The following CTNNA2 variants were observed in gnomAD, a reference collection of about 807,000 sequenced individuals.
The protein encoded by CTNNA2 is catenin alpha 2.
CTNNA2 carries 42 observed loss-of-function variants against 101.0 expected under a neutral mutation model. That is an observed-to-expected ratio of 0.42 (90% CI 0.32 to 0.54). The LOEUF is 0.54. CTNNA2 is among the 20% of genes least tolerant of loss of function. The pLI, the probability that CTNNA2 is intolerant of heterozygous loss-of-function variation, is 0.14. For synonymous variants in CTNNA2, 450 were observed against 456.4 expected, an observed-to-expected ratio of 0.99 and a Z score of 0.18; for missense variants, 871 against 1,223.1, an observed-to-expected ratio of 0.71 and a Z score of 4.29.
chr2:80,605,562 C>T (rs1027298605), intron 16 of CTNNA2: 9 of 151,780 alleles, frequency 5.9e-5, no homozygotes, highest in African/African-American at 1.2e-4. Context: ...GTTTTCCTCC[C>T]TCATTCCTAT....
rs190858554 is a variant in CTNNA2, at chr2:80,018,856, T to G, written c.1056+109059T>G. Among the ~76,000 whole-genome samples, 14 of 151,922 alleles carry G rather than the reference T, an allele frequency of 9.2e-5. 1 individual carries two copies. The East Asian group carries it at 1.9e-3, about 21-fold the overall frequency. ...TTACCTATATACCATAGCCAATATC[T>G]AAAGGTATCTATCATTCTGAAAGCG... On this transcript the variant is annotated intron_variant, in intron 7 of 18. Transcript: ENST00000402739.
intron 7 of CTNNA2, among the ~76,000 whole-genome samples, chr2:80,093,079 T>C (rs1227461059): frequency 1.3e-5 from 2 of 152,110 alleles, no homozygotes; most frequent in Non-Finnish European, 2.9e-5. Context: ...TATGAATACA[T>C]GTGCCATGTT....
chr2:80,057,498 T>C (rs1159763189), intron 7 of CTNNA2, among the ~76,000 whole-genome samples: 1 of 152,178 alleles, frequency 6.6e-6, no homozygotes, highest in Non-Finnish European at 1.5e-5. Flanking sequence ...TGGTCTTGGG[T>C]CTGCAGAGCA....
upstream of CTNNA2, among the ~76,000 whole-genome samples, chr2:79,509,955 C>A (rs1032920497): frequency 1.3e-5 from 2 of 152,130 alleles, no homozygotes; most frequent in Non-Finnish European, 2.9e-5. Flanking sequence ...CTCAGGAGGG[C>A]TTGATAGTGA....
At chr2:79,383,306 T>C (rs1410006622) in intron 4 of CTNNA2, among the ~76,000 whole-genome samples, 4 of 152,188 alleles carry the variant, frequency 2.6e-5, no homozygotes, top group Non-Finnish European at 5.9e-5. Flanking sequence ...TGTTCCTACA[T>C]TCTGTATGAT....
intron 4 of CTNNA2, among the ~76,000 whole-genome samples, chr2:79,463,395 CAA>C (rs10546803): frequency 0.32 from 37,542 of 117,770 alleles, 4,917 homozygotes; most frequent in Middle Eastern, 0.44. Context: ...GAGACTGTCT[CAA>C]AAAAAAAAAA....
At chr2:79,832,953 G>T (rs2203051) in intron 3 of CTNNA2, among the ~76,000 whole-genome samples, 51,128 of 151,996 alleles carry the variant, frequency 0.34, 9,125 homozygotes, top group South Asian at 0.42. Context: ...CTTTTTACTT[G>T]TTTTGTTCTT....
At chr2:79,206,821 G>T (rs1674106008) in intron 2 of CTNNA2, among the ~76,000 whole-genome samples, 1 of 152,124 alleles carries the variant, frequency 6.6e-6, no homozygotes, top group Admixed American at 6.6e-5. Flanking sequence ...ACACTAAAAA[G>T]AGCAGAATCA....
At chr2:79,535,758 G>T (rs1389524426) in intron 1 of CTNNA2, among the ~76,000 whole-genome samples, 1 of 152,088 alleles carries the variant, frequency 6.6e-6, no homozygotes, top group African/African-American at 2.4e-5. Context: ...AAATCAAGGT[G>T]CTTAGAAGGT....
intron 3 of CTNNA2, among the ~76,000 whole-genome samples, chr2:79,782,622 C>G (rs1020931342): frequency 5.9e-5 from 9 of 152,122 alleles, no homozygotes; most frequent in African/African-American, 2.2e-4. Context: ...TTATCTTCCC[C>G]CACAGATGCA....
chr2:80,183,884 GGTGT>G (rs35982231), intron 7 of CTNNA2, among the ~76,000 whole-genome samples: 91,606 of 149,406 alleles, frequency 0.61, 28,167 homozygotes, highest in African/African-American at 0.67. Flanking sequence ...TGTGCTCTTG[GGTGT>G]GTGTGTGTGT....
At chr2:79,292,744 C>T (rs1410088278) in intron 2 of CTNNA2, among the ~76,000 whole-genome samples, 1 of 152,190 alleles carries the variant, frequency 6.6e-6, no homozygotes, top group African/African-American at 2.4e-5. Context: ...ACAAACTGAG[C>T]TGTTATTTCC....
rs569971822 is a variant in CTNNA2 at position 79,578,786 on chromosome 2, A to T, written c.-6+65579A>T. Among the ~76,000 whole-genome samples the T allele has an allele frequency of 1.8e-4, 27 of 152,280 alleles. No individual in the cohort carries two copies. The South Asian group carries it at 5.4e-3, about 30-fold the overall frequency. On this transcript the variant is annotated intron_variant, in intron 1 of 18. Coordinates refer to ENST00000402739, the MANE Select transcript of CTNNA2 (RefSeq NM_001282597.3). ...CTTAACTAAAGTTTGCTATAGCTTTATATTTAACCTTAATATTCAGCTGGG... is the reference window on the plus strand; with the variant it reads ...CTTAACTAAAGTTTGCTATAGCTTTTTATTTAACCTTAATATTCAGCTGGG...
At chr2:79,867,807 G>C (rs1682256170) in intron 4 of CTNNA2, among the ~76,000 whole-genome samples, 1 of 152,108 alleles carries the variant, frequency 6.6e-6, no homozygotes, top group South Asian at 2.1e-4. Context: ...CTCCCTCTGA[G>C]ATAATTATTG....
At chr2:79,226,651 A>G (rs928307283) in intron 2 of CTNNA2, among the ~76,000 whole-genome samples, 2 of 152,198 alleles carry the variant, frequency 1.3e-5, no homozygotes, top group African/African-American at 4.8e-5. Flanking sequence ...CTTTTTAAAA[A>G]CAATAGTCCA....
chr2:80,632,276 C>T (rs905169294), intron 18 of CTNNA2, among the ~76,000 whole-genome samples: 1 of 148,630 alleles, frequency 6.7e-6, no homozygotes, highest in Non-Finnish European at 1.5e-5. Context: ...CCCCCCACCC[C>T]AACACACACA....
intron 9 of CTNNA2, among the ~76,000 whole-genome samples, chr2:80,440,516 G>A (rs932413338): frequency 3.9e-5 from 6 of 152,172 alleles, no homozygotes; most frequent in Non-Finnish European, 8.8e-5. Context: ...GCATATTTGG[G>A]CATAGGACTG....
chr2:80,516,249 G>A (rs1689100189), intron 9 of CTNNA2, among the ~76,000 whole-genome samples: 1 of 152,128 alleles, frequency 6.6e-6, no homozygotes, highest in Admixed American at 6.5e-5. Flanking sequence ...AAGCAACATT[G>A]GGTTTTTTTC....
At chr2:79,347,317 A>G (rs1645948102) in intron 3 of CTNNA2, among the ~76,000 whole-genome samples, 1 of 152,184 alleles carries the variant, frequency 6.6e-6, no homozygotes, top group Non-Finnish European at 1.5e-5. Context: ...CTAGGTTCAC[A>G]TTCCTGCTTT....
Sources: allele counts gnomAD v4.1 joint callset (sites outside exome capture counted in the v4.1 genomes callset), GRCh38; gene constraint gnomAD v4.1.1; transcripts MANE v1.5; gene names NCBI Gene and HGNC (gene_info 2026-07-23, HGNC 2026-07-21).